The following GPR89B variants were observed in gnomAD, a reference collection of about 807,000 sequenced individuals.
GPR89B encodes the protein G protein-coupled receptor 89B.
Under a neutral mutation model 52.4 loss-of-function variants are expected in GPR89B, and 25 were observed. That is an observed-to-expected ratio of 0.48 (90% CI 0.35 to 0.67). The LOEUF is 0.67. Ranked by LOEUF, GPR89B falls within the 30% of genes least tolerant of loss-of-function variation. The probability of loss-of-function intolerance (pLI) is 0.01; values close to 1 mark genes in which losing one functional copy is unlikely to be tolerated. For synonymous variants in GPR89B, 52 were observed against 151.2 expected, an observed-to-expected ratio of 0.34 and a Z score of 4.81; for missense variants, 146 against 450.2, an observed-to-expected ratio of 0.32 and a Z score of 6.11.
chr1:148,009,752 C>G, the GPR89B span, among the ~76,000 whole-genome samples: 2 of 152,140 alleles, frequency 1.3e-5, no homozygotes, highest in African/African-American at 4.8e-5. Context: ...CCATCCCTGC[C>G]CTCCCAAGAT....
At chr1:148,022,007 C>A in the GPR89B span, 4 of 148,516 alleles carry the variant, frequency 2.7e-5, no homozygotes, top group Non-Finnish European at 5.9e-5. Flanking sequence ...GGGTAAGAAG[C>A]GCAGCTGGCC....
chr1:148,000,627 C>T, the GPR89B span, among the ~76,000 whole-genome samples: 5 of 149,990 alleles, frequency 3.3e-5, no homozygotes, highest in African/African-American at 4.9e-5. Context: ...CCCTCTGTAC[C>T]GCTTATTTTA....
At chr1:147,971,421 G>C (rs1382814063) in intron 10 of GPR89B, among the ~76,000 whole-genome samples, 14 of 147,920 alleles carry the variant, frequency 9.5e-5, no homozygotes, top group African/African-American at 3.3e-4. Context: ...AAAGTGCTGG[G>C]ACTACAGGCG....
chr1:147,932,337 G>A lies in GPR89B; in HGVS notation c.42+3759G>A, dbSNP rs181460949. Among the ~76,000 whole-genome samples, 9 of 151,686 alleles carry A rather than the reference G, an allele frequency of 5.9e-5. No individual in the cohort carries two copies. The East Asian group carries it at 1.7e-3, about 29-fold the overall frequency. ...CTTACTTTCTTAAACCCTCTTGTTC[G>A]TTTACCTTCATGTATATGTAAGTCC... On this transcript the variant is annotated intron_variant, in intron 1 of 13. Transcript: ENST00000314163.
At chr1:148,024,731 G>A in the GPR89B span, 10 of 148,708 alleles carry the variant, frequency 6.7e-5, no homozygotes, top group Admixed American at 5.3e-4. Flanking sequence ...TGAGAGGACT[G>A]GTGCCCAGGG....
At chr1:147,989,589 A>C in intron 12 of GPR89B, among the ~76,000 whole-genome samples, 1 of 147,414 alleles carries the variant, frequency 6.8e-6, no homozygotes, top group African/African-American at 2.5e-5. Flanking sequence ...CCCTTCCCCC[A>C]CCCCACGACA....
At chr1:147,947,359 C>G (rs587683254) in intron 5 of GPR89B, among the ~76,000 whole-genome samples, 9 of 150,788 alleles carry the variant, frequency 6.0e-5, no homozygotes, top group Admixed American at 5.3e-4. Context: ...AAGATAAGAC[C>G]AATCCTTATG....
chr1:147,969,834 T>C (rs1558058361), intron 9 of GPR89B, 33 bp from the exon 10 acceptor site: 5 of 1,334,830 alleles, frequency 3.7e-6, no homozygotes, highest in East Asian at 2.5e-5. Flanking sequence ...TATATTTTGC[T>C]GAAAACTATG....
the GPR89B span, among the ~76,000 whole-genome samples, chr1:148,007,468 G>A: frequency 1.3e-5 from 2 of 151,728 alleles, no homozygotes; most frequent in African/African-American, 4.8e-5. Context: ...GAACAAATCA[G>A]GGTGTAATAT....
At chr1:148,003,112 C>A in the GPR89B span, among the ~76,000 whole-genome samples, 3 of 152,202 alleles carry the variant, frequency 2.0e-5, no homozygotes, top group Non-Finnish European at 4.4e-5. Context: ...GATATTCTTT[C>A]TCCAAGGCAC....
intron 10 of GPR89B, among the ~76,000 whole-genome samples, chr1:147,971,220 G>T (rs1657436752): frequency 6.6e-6 from 1 of 151,374 alleles, no homozygotes; most frequent in Non-Finnish European, 1.5e-5. Context: ...TGCGATCTCA[G>T]CTCACTGCAA....
chr1:147,943,775 A>G (rs1238627074), intron 4 of GPR89B, among the ~76,000 whole-genome samples: 1 of 152,106 alleles, frequency 6.6e-6, no homozygotes, highest in Non-Finnish European at 1.5e-5. Context: ...TTATTTTTCT[A>G]CCTATTAATA....
the GPR89B span, among the ~76,000 whole-genome samples, chr1:148,012,425 C>G: frequency 6.6e-6 from 1 of 151,760 alleles, no homozygotes; most frequent in Non-Finnish European, 1.5e-5. Context: ...TCTTTGACTC[C>G]CTTCCTTACC....
the GPR89B span, chr1:148,010,329 A>T: frequency 6.6e-6 from 1 of 152,266 alleles, no homozygotes; most frequent in African/African-American, 2.4e-5. Context: ...TAGAGACTCA[A>T]AAGACGCATC....
the GPR89B span, among the ~76,000 whole-genome samples, chr1:147,999,145 C>T: frequency 6.6e-6 from 1 of 151,030 alleles, no homozygotes; most frequent in Non-Finnish European, 1.5e-5. Flanking sequence ...CAGGAGGGGT[C>T]AGAATCCCCT....
the GPR89B span, chr1:148,005,657 T>G: frequency 1.1e-6 from 1 of 939,876 alleles, no homozygotes; most frequent in East Asian, 2.6e-5. Flanking sequence ...TAAGAACATG[T>G]CAACCTTAAT....
chr1:147,969,919 G>C lies in GPR89B; in HGVS notation c.869G>C (p.Gly290Ala). The C allele has an allele frequency of 1.3e-6, 2 of 1,493,868 alleles. No individual in the cohort carries two copies. The highest frequency in any genetic ancestry group is 2.4e-5 in the Admixed American group (1 of 42,104). The allele number at this position is 1,493,868 out of a possible 1,614,324, so 92.5% of individuals were successfully genotyped here. A position where few individuals can be genotyped will look rare whatever the true frequency, so the allele number is the denominator to read the frequency against. ...AAGGGGAAATATTTTAATTTTCTTG[G>C]TTACTTTTTCTCTATTTACTGTGTT... ...TFKGKYFNFL[G>A]YFFSIYCVWK... Residue 290 changes from glycine (G) to alanine (A), a missense_variant, in exon 10 of 14, where the codon GGT becomes GCT. Physicochemically the swap from Gly to Ala is moderately conservative, Grantham distance 60 (BLOSUM62 0). Transcript: ENST00000314163.
the GPR89B span, among the ~76,000 whole-genome samples, chr1:148,016,955 T>C: frequency 6.6e-6 from 1 of 152,030 alleles, no homozygotes; most frequent in Non-Finnish European, 1.5e-5. Context: ...CTGCTGTTAA[T>C]CCCATCCAGC....
At chr1:147,938,938 G>T (rs1276084376) in intron 3 of GPR89B, 121 bp downstream of exon 3, 5 of 1,317,388 alleles carry the variant, frequency 3.8e-6, no homozygotes, top group Non-Finnish European at 4.1e-6. Flanking sequence ...TTCAGTTTCA[G>T]TAACTGCAAT....
Sources: gnomAD v4.1 joint callset for allele counts (sites outside exome capture counted in the v4.1 genomes callset) on GRCh38, gnomAD v4.1.1 for gene constraint, MANE v1.5 for transcripts, NCBI Gene and HGNC (gene_info 2026-07-23, HGNC 2026-07-21) for gene names.